NEK3: variants seen among roughly 807,000 people sequenced by gnomAD.
NEK3 encodes serine/threonine-protein kinase Nek3.
Under a neutral mutation model 66.0 loss-of-function variants are expected in NEK3, and 54 were observed. The ratio of observed to expected loss-of-function variants is 0.82; its 90% CI spans 0.66 to 1.03. The LOEUF is 1.03. Ranked by LOEUF, NEK3 falls within the 50% of genes least tolerant of loss-of-function variation. The pLI is 0.00. For synonymous variants in NEK3, 200 were observed against 206.2 expected (o/e 0.97, Z 0.26); for missense variants, 593 against 603.0 (o/e 0.98, Z 0.17).
rs1189284513 is a variant in NEK3 at position 52,135,970 on chromosome 13, A to C, written c.1175-107T>G. On this transcript the variant is annotated intron_variant, in intron 13 of 15. Coordinates refer to ENST00000610828, the MANE Select transcript of NEK3 (RefSeq NM_002498.3). ...AGTTAGTTATATTTGACTGTTAACTAAAATCTGCTTCATTCACCTGTATGA... is the reference window on the plus strand; with the variant it reads ...AGTTAGTTATATTTGACTGTTAACTCAAATCTGCTTCATTCACCTGTATGA... The C allele has an allele frequency of 2.0e-6, 3 of 1,496,176 alleles. No homozygotes were observed. The African/African-American group carries it at 4.2e-5, about 21-fold the overall frequency. The allele number at this position is 1,496,176 out of a possible 1,614,324, so 92.7% of individuals were successfully genotyped here.
rs1473748658 is a variant in NEK3, at chr13:52,133,072, A to C, written c.*70T>G. The C allele has an allele frequency of 1.6e-6, 2 of 1,220,102 alleles. No individual in the cohort carries two copies. The highest frequency in any genetic ancestry group is 1.5e-5 in the African/African-American group (1 of 67,160). The allele number at this position is 1,220,102 out of a possible 1,614,324, so 75.6% of individuals were successfully genotyped here. A position where few individuals can be genotyped will look rare whatever the true frequency, so the allele number is the denominator to read the frequency against. On this transcript the variant is annotated 3_prime_UTR_variant, in exon 16 of 16. Transcript: ENST00000610828. Reference sequence around the variant, plus strand: ...AGGAAAATATACGTCGCATGAACTCATGATCATCTCAGCATGAACTCCTGA... The same window carrying C: ...AGGAAAATATACGTCGCATGAACTCCTGATCATCTCAGCATGAACTCCTGA...
At chr13:52,144,643 T>A in intron 9 of NEK3, 48 bp downstream of exon 9, 1 of 1,456,760 alleles carries the variant, frequency 6.9e-7, no homozygotes, top group South Asian at 1.2e-5. Context: ...CAAACCATTT[T>A]ACCATACACT....
In NEK3 at chr13:52,133,772, TTC is replaced by T. The variant is rs761876902; in HGVS notation, c.1351_1352del (p.Glu451SerfsTer6). ...FLKGPLSEETEASDSVDGGHD... is the reference protein window; with the variant it reads ...FLKGPLSEETXASDSVDGGHD... ...GACCTCCATCAACACTGTCCGATGCTTCTGTTTCTTCAGACAGGGGGCCTTTC... is the reference window on the plus strand; with the variant it reads ...GACCTCCATCAACACTGTCCGATGCTTGTTTCTTCAGACAGGGGGCCTTTC... On this transcript the variant is annotated frameshift_variant, in exon 15 of 16. Transcript: ENST00000610828. LOFTEE classifies it high-confidence loss of function. The T allele has an allele frequency of 1.9e-6, 3 of 1,595,158 alleles. No homozygotes were observed. The highest frequency in any genetic ancestry group is 4.5e-5 in the East Asian group (2 of 44,462).
rs1022133812 is a variant in NEK3 at position 52,159,529 on chromosome 13, C to T, written c.-58+14G>A. ...TCGTTCTAGAGGCAGCCCGCCAGGGCGGGGACCACTCACCCGCTTCCCCGG... is the reference window on the plus strand; with the variant it reads ...TCGTTCTAGAGGCAGCCCGCCAGGGTGGGGACCACTCACCCGCTTCCCCGG... On this transcript the variant is annotated intron_variant, in intron 1 of 15. Coordinates refer to ENST00000610828, the MANE Select transcript of NEK3 (RefSeq NM_002498.3). The T allele has an allele frequency of 5.9e-5, 9 of 152,314 alleles. No homozygotes were observed. Among genetic ancestry groups the T allele is most frequent in the Admixed American group, 5.2e-4 (8 of 15,290 alleles). 9.4% of individuals were successfully genotyped at this position (152,314 alleles called of 1,614,324 possible).
In NEK3 at chr13:52,151,185, G is replaced by A. The variant is rs56021040; in HGVS notation, c.509C>T (p.Pro170Leu). The A allele has an allele frequency of 3.7e-6, 6 of 1,610,698 alleles. No individual in the cohort carries two copies. Among genetic ancestry groups the A allele is most frequent in the East Asian group, 4.5e-5 (2 of 44,828 alleles). Residue 170 changes from proline to leucine, a missense_variant, in exon 7 of 16, where the codon CCT (proline) becomes CTT (leucine). By Grantham distance (98) the Pro-to-Leu change is moderately conservative. Transcript: ENST00000610828. ...AGGCAGGTTTTCCCAAATTTCTGGA[G>A]GCACATAATAAGGAGTTCCCACATA... The part of the protein sequence containing the change: ...CTYVGTPYYV[P>L]PEIWENLPYN...
At chr13:52,151,431 C>T (rs763403160) in intron 5 of NEK3, 39 bp from the exon 6 acceptor site, 2 of 1,520,944 alleles carry the variant, frequency 1.3e-6, no homozygotes, top group Non-Finnish European at 8.9e-7. Context: ...TGTCTTCTAT[C>T]ATCAAACATG....
chr13:52,135,590 TGTACAACAATGTGAC>T, intron 14 of NEK3, 124 bp downstream of exon 14: 1 of 635,642 alleles, frequency 1.6e-6, no homozygotes, highest in Non-Finnish European at 2.5e-6. Flanking sequence ...TGGTGATGGC[TGTACAACAATGTGAC>T]GTACTTAGTG....
At chr13:52,155,566 T>C (rs1456725831) in intron 2 of NEK3, among the ~76,000 whole-genome samples, 3 of 152,254 alleles carry the variant, frequency 2.0e-5, no homozygotes, top group Admixed American at 1.3e-4. Context: ...CTCCCATTGT[T>C]AATTACAATA....
rs577255375 is a variant in NEK3, at chr13:52,148,984, C to T, written c.549-515G>A. Among the ~76,000 whole-genome samples, 58 of 152,266 alleles carry T rather than the reference C, an allele frequency of 3.8e-4. No individual in the cohort carries two copies. The South Asian group carries it at 0.011, about 28-fold the overall frequency. ...TCGGCTCACTGCAAGCTCTGCCTCC[C>T]GGATTCACACCATTCTCCTGCCTCA... On this transcript the variant is annotated intron_variant, in intron 7 of 15. Coordinates refer to ENST00000610828, the MANE Select transcript of NEK3 (RefSeq NM_002498.3).
rs1956204789 is a variant in NEK3 at position 52,136,204 on chromosome 13, C to T, written c.1086G>A (p.Gln362=). The T allele has an allele frequency of 1.2e-6, 2 of 1,613,794 alleles. No individual in the cohort carries two copies. Among genetic ancestry groups the T allele is most frequent in the Non-Finnish European group, 1.7e-6 (2 of 1,179,728 alleles). Reference sequence around the variant, plus strand: ...CTGTATTGGGTACATTTTTCTCCCACTGTCGTCTATGAAGATTTGGTGAAC... The same window carrying T: ...CTGTATTGGGTACATTTTTCTCCCATTGTCGTCTATGAAGATTTGGTGAAC... ...KASSPNLHRR[Q]WEKNVPNTAL... is the part of the protein sequence containing the mutation. The change falls in exon 13 of 16, where the codon CAG becomes CAA. Residue 362 remains glutamine, a synonymous_variant. Coordinates refer to ENST00000610828, the MANE Select transcript of NEK3 (RefSeq NM_002498.3).
chr13:52,153,432 T>C (rs1956363701), intron 4 of NEK3, among the ~76,000 whole-genome samples: 1 of 152,168 alleles, frequency 6.6e-6, no homozygotes, highest in Non-Finnish European at 1.5e-5. Flanking sequence ...TATGCAATTT[T>C]CCACTAAAAA....
At chr13:52,134,453 T>C (rs1331218200) in intron 14 of NEK3, among the ~76,000 whole-genome samples, 1 of 152,204 alleles carries the variant, frequency 6.6e-6, no homozygotes, top group Non-Finnish European at 1.5e-5. Context: ...ATTTCTTTTT[T>C]CCTTTGAACT....
At chr13:52,148,530 T>A in intron 7 of NEK3, 61 bp from the exon 8 acceptor site, 1 of 1,434,500 alleles carries the variant, frequency 7.0e-7, no homozygotes, top group Non-Finnish European at 9.8e-7. Flanking sequence ...GTACAAAAAA[T>A]AATTTCTTAC....
chr13:52,141,616 TG>T (rs1185832180), intron 10 of NEK3, among the ~76,000 whole-genome samples: 3 of 152,156 alleles, frequency 2.0e-5, no homozygotes, highest in Non-Finnish European at 2.9e-5. Flanking sequence ...TGAACATGGA[TG>T]ATGATGCACT....
chr13:52,151,593 A>G (rs776179832), intron 5 of NEK3, among the ~76,000 whole-genome samples: 1 of 152,230 alleles, frequency 6.6e-6, no homozygotes, highest in Non-Finnish European at 1.5e-5. Context: ...GAGTGCTTCA[A>G]AATCTAACAA....
At chr13:52,155,872 G>A (rs574076215) in intron 2 of NEK3, among the ~76,000 whole-genome samples, 2 of 151,822 alleles carry the variant, frequency 1.3e-5, no homozygotes, top group Admixed American at 6.6e-5. Flanking sequence ...TACTAGAGAC[G>A]GGTTTTCCCC....
intron 7 of NEK3, among the ~76,000 whole-genome samples, chr13:52,149,455 A>T (rs977612976): frequency 1.3e-5 from 2 of 152,114 alleles, no homozygotes; most frequent in African/African-American, 4.8e-5. Flanking sequence ...TAGTTTTTTT[A>T]AATTTCAAAT....
chr13:52,152,547 C>T, intron 5 of NEK3, 62 bp downstream of exon 5: 2 of 1,010,140 alleles, frequency 2.0e-6, no homozygotes, highest in Non-Finnish European at 3.0e-6. Context: ...CATGGCATAA[C>T]ACAGTAAAAT....
chr13:52,143,867 T>C (rs754074120), intron 10 of NEK3, 48 bp downstream of exon 10: 14 of 921,576 alleles, frequency 1.5e-5, no homozygotes, highest in Non-Finnish European at 1.9e-5. Flanking sequence ...TGTTACAGTA[T>C]ATTTTTAAAA....
Sources: allele counts gnomAD v4.1 joint callset (sites outside exome capture counted in the v4.1 genomes callset), GRCh38; gene constraint gnomAD v4.1.1; transcripts MANE v1.5; gene names NCBI Gene and HGNC (gene_info 2026-07-23, HGNC 2026-07-21).